NEURL1: variants seen among roughly 807,000 people sequenced by gnomAD.
The protein encoded by NEURL1 is neuralized E3 ubiquitin protein ligase 1, also known as E3 ubiquitin-protein ligase NEURL1.
A neutral mutation model predicts 41.2 loss-of-function variants in NEURL1; 26 were observed. The ratio of observed to expected loss-of-function variants is 0.63; its 90% confidence interval spans 0.46 to 0.87. The LOEUF is 0.87. NEURL1 is among the 40% of genes least tolerant of loss of function. The pLI, the probability that NEURL1 is intolerant of heterozygous loss-of-function variation, is 0.00. For missense variants in NEURL1, 761 were observed against 871.1 expected (o/e 0.87, Z 1.59); for synonymous variants, 400 against 402.3 (o/e 0.99, Z 0.07).
chr10:103,544,401 GAGA>G (rs751501237), intron 1 of NEURL1, among the ~76,000 whole-genome samples: 11 of 152,270 alleles, frequency 7.2e-5, no homozygotes, highest in Admixed American at 5.2e-4. Context: ...GGGGGAATGG[GAGA>G]AGGAGCTGCT....
chr10:103,504,762 A>G (rs1376688872), intron 1 of NEURL1, among the ~76,000 whole-genome samples: 2 of 152,176 alleles, frequency 1.3e-5, no homozygotes, highest in Non-Finnish European at 2.9e-5. Context: ...GTTCTTCTCC[A>G]CTACTTCTTT....
chr10:103,549,789 G>C (rs552247665), intron 1 of NEURL1, among the ~76,000 whole-genome samples: 1 of 152,242 alleles, frequency 6.6e-6, no homozygotes, highest in Admixed American at 6.5e-5. Flanking sequence ...CCCTTGTCCA[G>C]TGTTGTCTTC....
intron 1 of NEURL1, among the ~76,000 whole-genome samples, chr10:103,526,567 AG>A (rs2034463525): frequency 6.6e-6 from 1 of 151,860 alleles, no homozygotes; most frequent in Non-Finnish European, 1.5e-5. Flanking sequence ...GCTGGAGTGC[AG>A]TGGCACGATG....
At chr10:103,563,869 T>C (rs930163053) in intron 1 of NEURL1, among the ~76,000 whole-genome samples, 12 of 152,206 alleles carry the variant, frequency 7.9e-5, no homozygotes, top group Non-Finnish European at 1.5e-5. Flanking sequence ...CCTCACTCAA[T>C]GTGTAAACCT....
At chr10:103,561,424 GC>G (rs1473669771) in intron 1 of NEURL1, among the ~76,000 whole-genome samples, 5 of 152,052 alleles carry the variant, frequency 3.3e-5, no homozygotes, top group Non-Finnish European at 1.5e-5. Flanking sequence ...ACCATACCTG[GC>G]TAATTTTTTT....
chr10:103,496,010 A>G (rs2033676385), intron 1 of NEURL1, among the ~76,000 whole-genome samples: 1 of 152,050 alleles, frequency 6.6e-6, no homozygotes, highest in Admixed American at 6.6e-5. Context: ...TGGGAGGCAG[A>G]TAGGCAGGAG....
Position 103,494,416 on chromosome 10 carries a change from C to A in NEURL1, c.29C>A (p.Ser10Ter). 2 of 1,598,852 alleles carry A rather than the reference C, an allele frequency of 1.3e-6. No homozygotes were observed. The highest frequency in any genetic ancestry group is 1.7e-6 in the Non-Finnish European group (2 of 1,173,250). Residue 10 changes from serine to a stop codon, truncating the protein, a stop_gained, in exon 1 of 6, where the codon TCG becomes TAG. Transcript: ENST00000369780. LOFTEE classifies it high-confidence loss of function. ...GGTAACAACTTCTCCAGTATCCCCT[C>A]GCTGCCCCGAGGAAACCCGAGCCGC... The part of the protein sequence containing the change: MGNNFSSIP[S>*]LPRGNPSRAP...
intron 3 of NEURL1, among the ~76,000 whole-genome samples, chr10:103,582,111 C>T (rs985855297): frequency 8.2e-4 from 124 of 152,032 alleles, no homozygotes; most frequent in African/African-American, 2.7e-3. Flanking sequence ...TGGTGTGGGC[C>T]CTGTGACAGC....
intron 1 of NEURL1, among the ~76,000 whole-genome samples, chr10:103,559,359 C>T (rs901601749): frequency 4.6e-5 from 7 of 152,204 alleles, no homozygotes; most frequent in African/African-American, 1.7e-4. Context: ...CAGCCTGGCG[C>T]CTGGCACACA....
intron 1 of NEURL1, 144 bp downstream of exon 1, chr10:103,494,616 G>T: frequency 1.4e-6 from 1 of 707,102 alleles, no homozygotes; most frequent in South Asian, 2.0e-5. Flanking sequence ...GTGGGCTGGG[G>T]GTGGAGGGCA....
intron 4 of NEURL1, among the ~76,000 whole-genome samples, chr10:103,587,931 T>C (rs1351923227): frequency 6.6e-6 from 1 of 152,188 alleles, no homozygotes; most frequent in Admixed American, 6.5e-5. Flanking sequence ...AAAAAAGATC[T>C]CATTGGGCAC....
intron 3 of NEURL1, among the ~76,000 whole-genome samples, chr10:103,575,897 A>G (rs2035652271): frequency 6.6e-6 from 1 of 152,254 alleles, no homozygotes; most frequent in Non-Finnish European, 1.5e-5. Flanking sequence ...CTATCCCAGT[A>G]TCTCAAGGTC....
At chr10:103,589,490 C>T (rs766115021) in intron 4 of NEURL1, 24 bp from the exon 5 acceptor site, 2 of 1,567,604 alleles carry the variant, frequency 1.3e-6, no homozygotes, top group Non-Finnish European at 1.7e-6. Context: ...GCTAGTGTGT[C>T]CTTCCCTCCC....
chr10:103,547,689 T>A (rs1384681980), intron 1 of NEURL1, among the ~76,000 whole-genome samples: 3 of 152,160 alleles, frequency 2.0e-5, no homozygotes, highest in Non-Finnish European at 4.4e-5. Context: ...TAAAGTTGTA[T>A]ATGTGAATGT....
intron 1 of NEURL1, chr10:103,515,314 C>T (rs1480167625): frequency 6.7e-6 from 1 of 150,162 alleles, no homozygotes; most frequent in Non-Finnish European, 1.5e-5. Context: ...ACTTCACATC[C>T]TTTAAAATAA....
chr10:103,497,286 T>G (rs546859846), intron 1 of NEURL1, among the ~76,000 whole-genome samples: 1 of 152,234 alleles, frequency 6.6e-6, no homozygotes, highest in Non-Finnish European at 1.5e-5. Flanking sequence ...GTGTTGGTGT[T>G]GACCTGATAG....
chr10:103,592,196 C>T lies in NEURL1; in HGVS notation c.*1824C>T, dbSNP rs959740290. On this transcript the variant is annotated 3_prime_UTR_variant, in exon 6 of 6. Transcript: ENST00000369780. The surrounding 1 kb of genome is among the most constrained non-coding windows in gnomAD (Gnocchi z 4.8). Reference sequence around the variant, plus strand: ...TTCCATTTCTATAAAATGGTTGTTTCGGGAGAGAGGGGCAGGCTTTCTGTG... The same window carrying T: ...TTCCATTTCTATAAAATGGTTGTTTTGGGAGAGAGGGGCAGGCTTTCTGTG... 2.6e-5 allele frequency: 4 copies of T among 152,270 alleles called. No individual in the cohort carries two copies. Among genetic ancestry groups the T allele is most frequent in the East Asian group, 1.9e-4 (1 of 5,178 alleles). The allele number at this position is 152,270 out of a possible 1,614,324, so 9.4% of individuals were successfully genotyped here.
intron 1 of NEURL1, among the ~76,000 whole-genome samples, chr10:103,498,454 C>T (rs1451056154): frequency 1.3e-5 from 2 of 152,176 alleles, no homozygotes; most frequent in East Asian, 1.9e-4. Flanking sequence ...TCTCGATCTC[C>T]TGACCTTGTG....
chr10:103,560,046 CGCACACACACATACACGCAT>C (rs1564821901), intron 1 of NEURL1, among the ~76,000 whole-genome samples: 3 of 151,956 alleles, frequency 2.0e-5, no homozygotes, highest in Admixed American at 6.6e-5. Flanking sequence ...CATAAACACA[CGCACACACACATACACGCAT>C]GCACACACAC....
Sources: allele counts gnomAD v4.1 joint callset (sites outside exome capture counted in the v4.1 genomes callset), GRCh38; gene constraint gnomAD v4.1.1; non-coding constraint Gnocchi (gnomAD v3.1); transcripts MANE v1.5; gene names NCBI Gene and HGNC (gene_info 2026-07-23, HGNC 2026-07-21).